HECA: variants seen among roughly 807,000 people sequenced by gnomAD.
HECA encodes HECA ribonucleoprotein granule regulator.
HECA carries 13 observed loss-of-function variants against 37.6 expected under a neutral mutation model. The ratio of observed to expected loss-of-function variants is 0.35; its 90% CI spans 0.23 to 0.55. HECA has a LOEUF of 0.55. HECA is among the 20% of genes least tolerant of loss of function. HECA has a pLI of 0.90. For missense variants in HECA, 527 were observed against 701.9 expected, an observed-to-expected ratio of 0.75 and a Z score of 2.82; for synonymous variants, 307 against 291.5, an observed-to-expected ratio of 1.05 and a Z score of -0.54.
intron 2 of HECA, 123 bp downstream of exon 2, chr6:139,167,447 A>G (rs1774907417): frequency 1.2e-6 from 1 of 808,612 alleles, no homozygotes; most frequent in South Asian, 1.8e-5. Context: ...GTCAGGTGCT[A>G]GGTAACATTT....
rs180988194 is a variant in HECA, at chr6:139,157,615, C to A, written c.272-8669C>A. ...TTGTGAAGAAGAAATCTACTTCTTG[C>A]CCCTCATAAGCCTAAAGCACACATA... On this transcript the variant is annotated intron_variant, in intron 1 of 3. Transcript: ENST00000367658. Among the ~76,000 whole-genome samples, 4 of 152,328 alleles carry A rather than the reference C, an allele frequency of 2.6e-5. No individual in the cohort carries two copies. The East Asian group carries it at 7.7e-4, about 29-fold the overall frequency.
chr6:139,141,149 A>T (rs1020217289), intron 1 of HECA, among the ~76,000 whole-genome samples: 11 of 152,170 alleles, frequency 7.2e-5, no homozygotes, highest in African/African-American at 2.7e-4. Context: ...TTATTATTTT[A>T]CCAGTAATGA....
intron 1 of HECA, among the ~76,000 whole-genome samples, chr6:139,147,799 G>A (rs1304534468): frequency 6.6e-6 from 1 of 152,154 alleles, no homozygotes; most frequent in African/African-American, 2.4e-5. Context: ...GGCACTTCCT[G>A]TTCTTAATGG....
chr6:139,149,250 C>T (rs939744215), intron 1 of HECA, among the ~76,000 whole-genome samples: 1 of 152,146 alleles, frequency 6.6e-6, no homozygotes, highest in Non-Finnish European at 1.5e-5. Context: ...AAACTCATTT[C>T]TGTTCTAAAC....
intron 2 of HECA, among the ~76,000 whole-genome samples, chr6:139,169,182 A>T (rs1774935776): frequency 1.3e-5 from 2 of 152,048 alleles, no homozygotes; most frequent in African/African-American, 2.4e-5. Context: ...TTTCACTTTT[A>T]AAAAATTCTG....
chr6:139,175,619 C>T (rs1184699180), intron 3 of HECA, among the ~76,000 whole-genome samples: 3 of 152,108 alleles, frequency 2.0e-5, no homozygotes, highest in Non-Finnish European at 4.4e-5. Context: ...CTGGAAAGGA[C>T]CTGGGATCTA....
chr6:139,146,092 G>A (rs890197899), intron 1 of HECA, among the ~76,000 whole-genome samples: 2 of 151,994 alleles, frequency 1.3e-5, no homozygotes, highest in South Asian at 2.1e-4. Context: ...ACAGATAGTC[G>A]GATAGGAAAA....
intron 1 of HECA, among the ~76,000 whole-genome samples, chr6:139,149,603 C>T (rs1051030756): frequency 2.0e-5 from 3 of 152,182 alleles, no homozygotes; most frequent in African/African-American, 4.8e-5. Flanking sequence ...TGCCGGTCTT[C>T]CAAATCTGTA....
rs1457673451 is a variant in HECA at position 139,166,193 on chromosome 6, A to AG, written c.272-90dup. ...CTGCCTTTCATTATATTCATGTCTT[A>AG]GAAAAACCTTATACCATACTGTTGC... On this transcript the variant is annotated intron_variant, in intron 1 of 3. Coordinates refer to ENST00000367658, the MANE Select transcript of HECA (RefSeq NM_016217.3). 3.9e-6 allele frequency: 4 copies of AG among 1,021,168 alleles called. No individual in the cohort carries two copies. In the African/African-American group the frequency reaches 6.5e-5, roughly 17 times the overall value. The allele number at this position is 1,021,168 out of a possible 1,614,324, so 63.3% of individuals were successfully genotyped here.
intron 1 of HECA, among the ~76,000 whole-genome samples, chr6:139,163,770 C>A (rs377542021): frequency 2.9e-4 from 44 of 152,218 alleles, no homozygotes; most frequent in African/African-American, 1.0e-3. Context: ...TCCTTGCATC[C>A]CAGGATTCTT....
intron 1 of HECA, among the ~76,000 whole-genome samples, chr6:139,157,783 G>A (rs1250130243): frequency 6.6e-6 from 1 of 152,202 alleles, no homozygotes; most frequent in Non-Finnish European, 1.5e-5. Context: ...TTGGGAAGAT[G>A]TGGAAGGGAT....
chr6:139,137,519 C>G (rs1374254577), intron 1 of HECA, among the ~76,000 whole-genome samples: 1 of 151,900 alleles, frequency 6.6e-6, no homozygotes, highest in African/African-American at 2.4e-5. Flanking sequence ...GTACCGTGTT[C>G]AATACTAAGG....
intron 1 of HECA, among the ~76,000 whole-genome samples, chr6:139,148,677 A>G (rs945860510): frequency 6.6e-6 from 1 of 152,070 alleles, no homozygotes; most frequent in Non-Finnish European, 1.5e-5. Flanking sequence ...GAGGCAGGAG[A>G]ATCGCTTCAA....
rs1775123647 is a variant in HECA at position 139,180,737 on chromosome 6, T to C, written c.*3632T>C. On this transcript the variant is annotated 3_prime_UTR_variant, in exon 4 of 4. Transcript: ENST00000367658. ...TGAAACATTTGGTTGTGGAATTGTG[T>C]GTGGTTTTAGAGGGTTTCTGTTTGT... The C allele has an allele frequency of 6.6e-6, 1 of 152,654 alleles. No individual in the cohort carries two copies. The highest frequency in any genetic ancestry group is 2.1e-4 in the South Asian group (1 of 4,834). The allele number at this position is 152,654 out of a possible 1,614,324, so 9.5% of individuals were successfully genotyped here.
intron 1 of HECA, among the ~76,000 whole-genome samples, chr6:139,160,608 TCTCA>T (rs1369832449): frequency 1.3e-5 from 2 of 151,998 alleles, no homozygotes; most frequent in Non-Finnish European, 2.9e-5. Context: ...GGAGACGGAG[TCTCA>T]CTATGTTGTC....
intron 1 of HECA, among the ~76,000 whole-genome samples, chr6:139,149,410 G>T (rs191203450): frequency 6.6e-6 from 1 of 152,202 alleles, no homozygotes; most frequent in Non-Finnish European, 1.5e-5. Context: ...CCATAGAGCT[G>T]TTTGGAAAAG....
chr6:139,139,142 GGGCAGCAGAGT>G (rs970526928), intron 1 of HECA, among the ~76,000 whole-genome samples: 118 of 152,292 alleles, frequency 7.7e-4, no homozygotes, highest in African/African-American at 2.8e-3. Context: ...TAGAACCCGT[GGGCAGCAGAGT>G]CTGCCTTAAT....
chr6:139,147,272 T>C (rs1047483613), intron 1 of HECA, among the ~76,000 whole-genome samples: 9 of 152,116 alleles, frequency 5.9e-5, no homozygotes, highest in Non-Finnish European at 8.8e-5. Flanking sequence ...AGGACTGAAA[T>C]TCAGTGTAAA....
chr6:139,153,913 G>A (rs1774683458), intron 1 of HECA, among the ~76,000 whole-genome samples: 1 of 152,044 alleles, frequency 6.6e-6, no homozygotes, highest in Admixed American at 6.6e-5. Context: ...CAGAGTAAGG[G>A]CCTCCAGAAA....
Sources: gnomAD v4.1 joint callset for allele counts (sites outside exome capture counted in the v4.1 genomes callset) on GRCh38, gnomAD v4.1.1 for gene constraint, MANE v1.5 for transcripts, NCBI Gene and HGNC (gene_info 2026-07-23, HGNC 2026-07-21) for gene names.